The following MGMT variants were observed in gnomAD, a reference collection of about 807,000 sequenced individuals.
MGMT encodes the protein O-6-methylguanine-DNA methyltransferase, also known as methylated-DNA--protein-cysteine methyltransferase.
MGMT carries 14 observed loss-of-function variants against 15.9 expected under a neutral mutation model. The ratio of observed to expected loss-of-function variants is 0.88; its 90% confidence interval spans 0.58 to 1.37. MGMT has a LOEUF of 1.37. MGMT is among the 40% of genes most tolerant of loss of function. MGMT has a pLI of 0.00. For missense variants in MGMT, 282 were observed against 268.1 expected (o/e 1.05, Z -0.36); for synonymous variants, 130 against 118.2 (o/e 1.10, Z -0.65).
chr10:129,529,182 C>T (rs1282300978), intron 1 of MGMT, among the ~76,000 whole-genome samples: 2 of 143,632 alleles, frequency 1.4e-5, no homozygotes, highest in African/African-American at 2.6e-5. Flanking sequence ...GCAGGGGGAG[C>T]GGGGGCGTGG....
At chr10:129,619,274 C>G (rs1300712436) in intron 2 of MGMT, among the ~76,000 whole-genome samples, 1 of 152,066 alleles carries the variant, frequency 6.6e-6, no homozygotes, top group Non-Finnish European at 1.5e-5. Flanking sequence ...TTTTCTAATG[C>G]TCAACAAACC....
At chr10:129,476,105 C>G (rs1845291093) in intron 1 of MGMT, among the ~76,000 whole-genome samples, 1 of 152,200 alleles carries the variant, frequency 6.6e-6, no homozygotes, top group South Asian at 2.1e-4. Context: ...CTTGAGTCCA[C>G]CTGGGCCTTG....
intron 2 of MGMT, among the ~76,000 whole-genome samples, chr10:129,591,503 C>T (rs377386306): frequency 6.6e-6 from 1 of 152,182 alleles, no homozygotes; most frequent in Non-Finnish European, 1.5e-5. Context: ...GCCAAGACCT[C>T]GCGTGTCCAA....
intron 2 of MGMT, among the ~76,000 whole-genome samples, chr10:129,706,278 C>G (rs1363410236): frequency 6.6e-6 from 1 of 152,232 alleles, no homozygotes; most frequent in South Asian, 2.1e-4. Context: ...CCGTGCATAC[C>G]TTGTGTGGAC....
intron 2 of MGMT, among the ~76,000 whole-genome samples, chr10:129,612,052 A>G (rs1036445343): frequency 6.0e-5 from 9 of 150,886 alleles, no homozygotes; most frequent in African/African-American, 2.2e-4. Flanking sequence ...ACATCAATCA[A>G]ATACATTAAG....
rs142371517 is a variant in MGMT, at chr10:129,527,357, G to A, written c.-12-8884G>A. On this transcript the variant is annotated intron_variant, in intron 1 of 4. Transcript: ENST00000651593. The stretch of plus-strand genomic sequence containing the variant: ...AGTCCTAAACATTTGGGTCTTCCAC[G>A]TCGCTGTTTATTCTGCAGATTTGAG... Among the ~76,000 whole-genome samples, 499 of 152,300 alleles carry A rather than the reference G, an allele frequency of 3.3e-3. 1 individual carries two copies. The highest frequency in any genetic ancestry group is 0.011 in the African/African-American group (473 of 41,558).
At chr10:129,616,885 A>C (rs937468393) in intron 2 of MGMT, among the ~76,000 whole-genome samples, 1 of 152,116 alleles carries the variant, frequency 6.6e-6, no homozygotes, top group African/African-American at 2.4e-5. Context: ...GGAGGTGGTC[A>C]TGGTCACTCG....
chr10:129,493,616 TATC>T (rs1333823451), intron 1 of MGMT, among the ~76,000 whole-genome samples: 2 of 152,216 alleles, frequency 1.3e-5, no homozygotes, highest in African/African-American at 2.4e-5. Context: ...GATATGTTCT[TATC>T]AACATCTGCA....
chr10:129,485,741 A>G (rs1845401770), intron 1 of MGMT, among the ~76,000 whole-genome samples: 1 of 152,216 alleles, frequency 6.6e-6, no homozygotes, highest in Non-Finnish European at 1.5e-5. Context: ...TAGCTGTTAC[A>G]TGTGGTTCTT....
At chr10:129,486,378 G>A (rs1439405172) in intron 1 of MGMT, among the ~76,000 whole-genome samples, 2 of 151,980 alleles carry the variant, frequency 1.3e-5, no homozygotes, top group African/African-American at 4.8e-5. Flanking sequence ...TAGTAGAGAT[G>A]GGGTTTTGCC....
At chr10:129,721,424 G>A (rs1234818671) in intron 3 of MGMT, among the ~76,000 whole-genome samples, 4 of 152,244 alleles carry the variant, frequency 2.6e-5, no homozygotes, top group Non-Finnish European at 2.9e-5. Flanking sequence ...CATGAAACCA[G>A]ACAACTATTG....
At chr10:129,725,426 G>A (rs544250081) in intron 3 of MGMT, among the ~76,000 whole-genome samples, 4 of 152,382 alleles carry the variant, frequency 2.6e-5, no homozygotes, top group East Asian at 1.9e-4. Flanking sequence ...ATCTAATTAC[G>A]GAGTGTTTTC....
chr10:129,648,529 A>G (rs959936543), intron 2 of MGMT, among the ~76,000 whole-genome samples: 1 of 152,250 alleles, frequency 6.6e-6, no homozygotes, highest in Admixed American at 6.5e-5. Flanking sequence ...CTGTAGAATC[A>G]GTGACTGTTA....
intron 2 of MGMT, among the ~76,000 whole-genome samples, chr10:129,598,486 C>T (rs1564864222): frequency 6.6e-6 from 1 of 152,134 alleles, no homozygotes; most frequent in African/African-American, 2.4e-5. Flanking sequence ...CTTGGTGGCC[C>T]ACACTCCCCT....
chr10:129,725,086 C>CAGA lies in MGMT; in HGVS notation c.274+17044_274+17046dup, dbSNP rs1441596043. 9.2e-5 allele frequency among the ~76,000 whole-genome samples: 14 copies of CAGA among 152,016 alleles called. No individual in the cohort carries two copies. In the East Asian group the frequency reaches 2.7e-3, roughly 30 times the overall value. On this transcript the variant is annotated intron_variant, in intron 3 of 4. Coordinates refer to ENST00000651593, the MANE Select transcript of MGMT (RefSeq NM_002412.5). Reference sequence around the variant, plus strand: ...GGACAGGAAGAGGAAGCCTCTGGGCCAGACCTTTGGACACTGTTGCCTTAC... The same window carrying CAGA: ...GGACAGGAAGAGGAAGCCTCTGGGCCAGAAGACCTTTGGACACTGTTGCCTTAC...
chr10:129,730,760 A>G (rs1477697548), intron 3 of MGMT, among the ~76,000 whole-genome samples: 1 of 152,144 alleles, frequency 6.6e-6, no homozygotes, highest in Non-Finnish European at 1.5e-5. Context: ...TTCAGAAACC[A>G]TTAGCACCTA....
intron 2 of MGMT, among the ~76,000 whole-genome samples, chr10:129,627,950 GT>G (rs1400972637): frequency 6.6e-6 from 1 of 152,140 alleles, no homozygotes; most frequent in Non-Finnish European, 1.5e-5. Context: ...AGCCTTTGTT[GT>G]TCCAAGTTAT....
Position 129,562,993 on chromosome 10 carries a change from A to AGT in MGMT, c.125+26617_125+26618dup, listed in dbSNP as rs766608633. Among the ~76,000 whole-genome samples the AGT allele has an allele frequency of 2.6e-5, 4 of 152,292 alleles. No homozygotes were observed. In the South Asian group the frequency reaches 6.2e-4, roughly 24 times the overall value. ...TGCCCGTGCCACCATTCTGCGTCTC[A>AGT]GTACAGTATTGAATAAAGGACATGA... On this transcript the variant is annotated intron_variant, in intron 2 of 4. Transcript: ENST00000651593.
At chr10:129,586,057 G>A (rs1384091248) in intron 2 of MGMT, among the ~76,000 whole-genome samples, 4 of 152,126 alleles carry the variant, frequency 2.6e-5, no homozygotes, top group Non-Finnish European at 5.9e-5. Context: ...GGGATGATTC[G>A]TGTCTCAGGT....
Sources: allele counts gnomAD v4.1 joint callset (sites outside exome capture counted in the v4.1 genomes callset), GRCh38; gene constraint gnomAD v4.1.1; transcripts MANE v1.5; gene names NCBI Gene and HGNC (gene_info 2026-07-23, HGNC 2026-07-21).